TERB1: variants seen among roughly 807,000 people sequenced by gnomAD.
The protein encoded by TERB1 is telomere repeat binding bouquet formation protein 1.
TERB1 carries 63 observed loss-of-function variants against 92.3 expected under a neutral mutation model. The observed-to-expected ratio is 0.68, with a 90% confidence interval of 0.56 to 0.84. The LOEUF (loss-of-function observed/expected upper bound fraction) is 0.84, where lower values mean the gene tolerates loss of function less well. TERB1 is among the 40% of genes least tolerant of loss of function. TERB1 has a pLI of 0.00. For synonymous variants in TERB1, 252 were observed against 283.9 expected (o/e 0.89, Z 1.13); for missense variants, 709 against 843.7 (o/e 0.84, Z 1.98).
In TERB1 at chr16:66,758,787, G is replaced by T. The variant is rs758189236; in HGVS notation, c.1982C>A (p.Thr661Asn). 58 of 1,531,308 alleles carry T rather than the reference G, an allele frequency of 3.8e-5. No homozygotes were observed. Among genetic ancestry groups the T allele is most frequent in the Middle Eastern group, 3.4e-4 (2 of 5,954 alleles). 94.9% of individuals were successfully genotyped at this position (1,531,308 alleles called of 1,614,324 possible). The change falls in exon 18 of 19, where the codon ACC (threonine) becomes AAC (asparagine). Residue 661 changes from threonine (T) to asparagine (N), a missense_variant. Thr to Asn is a moderately conservative substitution (Grantham distance 65, BLOSUM62 0). Transcript: ENST00000433154. ...RRQRLSNEST[T>N]PGGIKKRRIR... ...AATATATTCACTTATTCCTCCAGGG[G>T]TAGTAGATTCATTACTGAGTCGTTG... is the stretch of plus-strand genomic sequence containing the variant.
In TERB1 at chr16:66,778,758, A is replaced by T. The variant is rs1207598195; in HGVS notation, c.853+105T>A. On this transcript the variant is annotated intron_variant, in intron 10 of 18. Transcript: ENST00000433154. The stretch of plus-strand genomic sequence containing the variant: ...TAATACTTCCTTCCACCTGTGAGAA[A>T]CTTAGTCTAAACCATGTTACTATTC... 5 of 929,996 alleles carry T rather than the reference A, an allele frequency of 5.4e-6. No individual in the cohort carries two copies. In the East Asian group the frequency reaches 8.9e-5, roughly 16 times the overall value. The allele number at this position is 929,996 out of a possible 1,614,324, so 57.6% of individuals were successfully genotyped here. A position where few individuals can be genotyped will look rare whatever the true frequency, so the allele number is the denominator to read the frequency against.
intron 11 of TERB1, among the ~76,000 whole-genome samples, chr16:66,776,631 G>A (rs1027873486): frequency 2.0e-5 from 3 of 151,900 alleles, no homozygotes; most frequent in Non-Finnish European, 2.9e-5. Context: ...GAGATTAGAA[G>A]AGAGAGGGGT....
At chr16:66,799,280 T>C (rs950125605) in intron 2 of TERB1, among the ~76,000 whole-genome samples, 83 of 152,134 alleles carry the variant, frequency 5.5e-4, no homozygotes, top group Non-Finnish European at 2.2e-4. Context: ...CAGGCTGGAG[T>C]GCAGTGGTGT....
intron 3 of TERB1, among the ~76,000 whole-genome samples, chr16:66,791,295 G>A (rs2018831321): frequency 6.6e-6 from 1 of 151,468 alleles, no homozygotes; most frequent in Non-Finnish European, 1.5e-5. Context: ...AAGCCACACT[G>A]GTTTAAATAT....
chr16:66,772,888 T>C (rs907096134), intron 12 of TERB1, 139 bp from the exon 13 acceptor site: 1 of 635,556 alleles, frequency 1.6e-6, no homozygotes. Context: ...TACTGAAAAG[T>C]AAGTGGAAGA....
chr16:66,784,503 T>C (rs1387189832), intron 9 of TERB1, among the ~76,000 whole-genome samples: 3 of 151,908 alleles, frequency 2.0e-5, no homozygotes, highest in South Asian at 2.1e-4. Context: ...GGCTAATTTT[T>C]TTGTATTTTT....
chr16:66,794,770 C>T (rs1346312549), intron 3 of TERB1, among the ~76,000 whole-genome samples: 5 of 151,948 alleles, frequency 3.3e-5, no homozygotes, highest in Non-Finnish European at 1.5e-5. Context: ...ATTAGCTGGG[C>T]GTGGTGGTGG....
At chr16:66,771,308 A>C (rs925834180) in intron 13 of TERB1, among the ~76,000 whole-genome samples, 1 of 152,230 alleles carries the variant, frequency 6.6e-6, no homozygotes, top group Non-Finnish European at 1.5e-5. Context: ...CGCTGTGGGG[A>C]AACATGTACT....
rs1385855400 is a variant in TERB1 at position 66,791,431 on chromosome 16, A to G, written c.32-412T>C. ...CAATGACATCGGCTCCCACCTAGGA[A>G]ATTAGAAAAAGAACAAATTAAACCC... On this transcript the variant is annotated intron_variant, in intron 3 of 18. Coordinates refer to ENST00000433154, the MANE Select transcript of TERB1 (RefSeq NM_001136505.2). Among the ~76,000 whole-genome samples, 3 of 152,158 alleles carry G rather than the reference A, an allele frequency of 2.0e-5. No individual in the cohort carries two copies. In the East Asian group the frequency reaches 5.8e-4, roughly 29 times the overall value.
chr16:66,771,752 A>C (rs1432202720), intron 13 of TERB1, among the ~76,000 whole-genome samples: 1 of 152,124 alleles, frequency 6.6e-6, no homozygotes, highest in Non-Finnish European at 1.5e-5. Context: ...CATGTCCATC[A>C]ATAAAGGACT....
chr16:66,789,090 CAAT>C (rs1431716437), intron 5 of TERB1, among the ~76,000 whole-genome samples: 1 of 145,872 alleles, frequency 6.9e-6, no homozygotes, highest in East Asian at 2.0e-4. Context: ...TAACCATAAT[CAAT>C]AATAATTTAA....
intron 6 of TERB1, among the ~76,000 whole-genome samples, chr16:66,786,915 C>CA (rs2018737939): frequency 2.6e-5 from 4 of 152,196 alleles, no homozygotes; most frequent in Non-Finnish European, 5.9e-5. Context: ...TTGAGCCCTA[C>CA]AACCACCCAG....
chr16:66,769,911 C>A, intron 14 of TERB1, 52 bp downstream of exon 14: 1 of 1,266,136 alleles, frequency 7.9e-7, no homozygotes, highest in South Asian at 1.4e-5. Flanking sequence ...CTGTAGTACA[C>A]AATAAATGCT....
At chr16:66,770,440 A>G (rs970056336) in intron 13 of TERB1, 131 bp from the exon 14 acceptor site, 1 of 630,262 alleles carries the variant, frequency 1.6e-6, no homozygotes, top group African/African-American at 1.9e-5. Context: ...GATAAAAGGC[A>G]GTTTACATTA....
intron 11 of TERB1, among the ~76,000 whole-genome samples, chr16:66,776,552 GAA>G (rs1362657771): frequency 6.6e-6 from 1 of 151,852 alleles, no homozygotes; most frequent in Non-Finnish European, 1.5e-5. Flanking sequence ...AGGGAAGGAA[GAA>G]AGAGTGGAAG....
Position 66,801,140 on chromosome 16 carries a change from T to G in TERB1, c.-109-87A>C, listed in dbSNP as rs1597031905. Reference sequence around the variant, plus strand: ...GCAGGCCCTCCCCGCTCAGGTGCTGTGTGACATGCGGCCCGGCCCTGGCCC... The same window carrying G: ...GCAGGCCCTCCCCGCTCAGGTGCTGGGTGACATGCGGCCCGGCCCTGGCCC... On this transcript the variant is annotated intron_variant, in intron 1 of 18. Coordinates refer to ENST00000433154, the MANE Select transcript of TERB1 (RefSeq NM_001136505.2). 2 of 152,714 alleles carry G rather than the reference T, an allele frequency of 1.3e-5. 1 individual carries two copies. Among genetic ancestry groups the G allele is most frequent in the South Asian group, 4.1e-4 (2 of 4,828 alleles). The allele number at this position is 152,714 out of a possible 1,614,324, so 9.5% of individuals were successfully genotyped here. A position where few individuals can be genotyped will look rare whatever the true frequency, so the allele number is the denominator to read the frequency against.
At chr16:66,789,034 A>G (rs1322898678) in intron 5 of TERB1, among the ~76,000 whole-genome samples, 2 of 151,286 alleles carry the variant, frequency 1.3e-5, no homozygotes, top group Non-Finnish European at 2.9e-5. Flanking sequence ...AAAAAAAAAA[A>G]AAAAGAAAGA....
At chr16:66,768,256 C>T (rs190027998) in intron 14 of TERB1, 88 bp from the exon 15 acceptor site, 14 of 1,137,486 alleles carry the variant, frequency 1.2e-5, no homozygotes, top group African/African-American at 7.8e-5. Flanking sequence ...TTGTGATTTT[C>T]GGTGTTTGGT....
At chr16:66,791,890 T>C (rs931726571) in intron 3 of TERB1, among the ~76,000 whole-genome samples, 1 of 152,158 alleles carries the variant, frequency 6.6e-6, no homozygotes, top group Non-Finnish European at 1.5e-5. Context: ...TAAATTCTAC[T>C]CAATTTTTTT....
Sources: allele counts gnomAD v4.1 joint callset (sites outside exome capture counted in the v4.1 genomes callset), GRCh38; gene constraint gnomAD v4.1.1; transcripts MANE v1.5; gene names NCBI Gene and HGNC (gene_info 2026-07-23, HGNC 2026-07-21).